The following MDGA2 variants were observed in gnomAD, a reference collection of about 807,000 sequenced individuals.
MDGA2 encodes MAM domain containing glycosylphosphatidylinositol anchor 2, also known as MAM domain-containing glycosylphosphatidylinositol anchor protein 2.
MDGA2 carries 40 observed loss-of-function variants against 117.8 expected under a neutral mutation model. The observed-to-expected ratio is 0.34, with a 90% CI of 0.26 to 0.44. The LOEUF is 0.44. Ranked by LOEUF, MDGA2 falls within the 20% of genes least tolerant of loss-of-function variation. The pLI is 1.00. For missense variants in MDGA2, 1,123 were observed against 1,250.6 expected (o/e 0.90, Z 1.54); for synonymous variants, 452 against 439.0 (o/e 1.03, Z -0.37).
At chr14:46,931,044 G>A (rs929923093) in intron 9 of MDGA2, among the ~76,000 whole-genome samples, 2 of 151,636 alleles carry the variant, frequency 1.3e-5, no homozygotes, top group Non-Finnish European at 2.9e-5. Context: ...GTGAAACATC[G>A]TCTCTACTAA....
chr14:47,048,513 A>C (rs1889343799), intron 7 of MDGA2, among the ~76,000 whole-genome samples: 1 of 152,112 alleles, frequency 6.6e-6, no homozygotes, highest in Non-Finnish European at 1.5e-5. Flanking sequence ...TGACATTGTT[A>C]GCTCTCTTAT....
intron 3 of MDGA2, among the ~76,000 whole-genome samples, chr14:47,200,030 G>T (rs1040973715): frequency 1.3e-5 from 2 of 151,770 alleles, no homozygotes; most frequent in African/African-American, 2.4e-5. Context: ...GAGAAAATTA[G>T]GAGACTGAAA....
chr14:47,102,364 GAAAC>G (rs1880376783), intron 5 of MDGA2, among the ~76,000 whole-genome samples: 1 of 43,748 alleles, frequency 2.3e-5, no homozygotes, highest in Non-Finnish European at 4.0e-5. Flanking sequence ...TGAGGAAGGA[GAAAC>G]ACACACACAC....
At chr14:47,647,218 T>G (rs1897551335) in intron 1 of MDGA2, among the ~76,000 whole-genome samples, 1 of 152,174 alleles carries the variant, frequency 6.6e-6, no homozygotes, top group South Asian at 2.1e-4. Flanking sequence ...TTAGGTCTGC[T>G]CAAACATTTT....
chr14:47,223,763 G>T (rs1285495728), intron 2 of MDGA2, among the ~76,000 whole-genome samples: 2 of 152,142 alleles, frequency 1.3e-5, no homozygotes, highest in African/African-American at 4.8e-5. Context: ...AAATACCCAA[G>T]ACTAGGTAAT....
chr14:47,322,848 C>T (rs1009491380), intron 1 of MDGA2, among the ~76,000 whole-genome samples: 1 of 151,890 alleles, frequency 6.6e-6, no homozygotes, highest in Non-Finnish European at 1.5e-5. Flanking sequence ...ATTTTATCAG[C>T]ATTGGATTGC....
intron 1 of MDGA2, among the ~76,000 whole-genome samples, chr14:47,602,670 T>C (rs2138882647): frequency 6.6e-6 from 1 of 152,266 alleles, no homozygotes; most frequent in Admixed American, 6.5e-5. Flanking sequence ...TTGTTAGACT[T>C]TTTCCTTGAG....
chr14:47,587,386 G>GA (rs1479326814), intron 1 of MDGA2, among the ~76,000 whole-genome samples: 5 of 151,584 alleles, frequency 3.3e-5, no homozygotes, highest in Admixed American at 6.6e-5. Context: ...TGTTAAAATT[G>GA]AAAAAATATA....
chr14:47,254,149 T>C (rs1887541354), intron 2 of MDGA2, among the ~76,000 whole-genome samples: 1 of 152,206 alleles, frequency 6.6e-6, no homozygotes, highest in South Asian at 2.1e-4. Flanking sequence ...GAGGCTGCCA[T>C]GAAGGTCTCT....
rs1186421912 is a variant in MDGA2 at position 47,312,688 on chromosome 14, G to GTTTTTTTTTTTTT, written c.281-11139_281-11138insAAAAAAAAAAAAA. ...CCAGCTAGTTTTTAGTTTTTTTTTT[G>GTTTTTTTTTTTTT]TTTTGTTTTGTTTTTTTTTTTTGTA... On this transcript the variant is annotated intron_variant, in intron 1 of 16. Coordinates refer to ENST00000399232, the MANE Select transcript of MDGA2 (RefSeq NM_001113498.3). 1.3e-4 allele frequency among the ~76,000 whole-genome samples: 14 copies of GTTTTTTTTTTTTT among 104,284 alleles called. 1 individual carries two copies. The highest frequency in any genetic ancestry group is 1.1e-3 in the East Asian group (3 of 2,728). 68.4% of individuals were successfully genotyped at this position (104,284 alleles called of 152,430 possible). A position where few individuals can be genotyped will look rare whatever the true frequency, so the allele number is the denominator to read the frequency against.
chr14:47,553,868 T>C (rs1314118456), intron 1 of MDGA2, among the ~76,000 whole-genome samples: 1 of 152,208 alleles, frequency 6.6e-6, no homozygotes, highest in Non-Finnish European at 1.5e-5. Flanking sequence ...AGATAATATC[T>C]AACTACCTAT....
chr14:46,877,033 A>G lies in MDGA2; in HGVS notation c.2437+456T>C, dbSNP rs558402263. Among the ~76,000 whole-genome samples, 7 of 151,772 alleles carry G rather than the reference A, an allele frequency of 4.6e-5. No individual in the cohort carries two copies. In the South Asian group the frequency reaches 1.5e-3, roughly 31 times the overall value. ...ACCTAAATTAGACCAAATACATTGG[A>G]GTGTAAACTAGTGTTCTATAAAAGA... On this transcript the variant is annotated intron_variant, in intron 12 of 16. Transcript: ENST00000399232.
At chr14:47,563,578 G>GTTTTTTTTTTTTTTTTTTTTTTTTTTTTT (rs56244321) in intron 1 of MDGA2, among the ~76,000 whole-genome samples, 2 of 56,974 alleles carry the variant, frequency 3.5e-5, no homozygotes, top group Non-Finnish European at 6.5e-5. Context: ...GCTTTTTTCT[G>GTTTTTTTTTTTTTTTTTTTTTTTTTTTTT]TTTTTTTTTT....
chr14:47,426,476 C>T (rs750058358), intron 1 of MDGA2, among the ~76,000 whole-genome samples: 1 of 151,374 alleles, frequency 6.6e-6, no homozygotes, highest in African/African-American at 2.4e-5. Flanking sequence ...TATAACTGTT[C>T]GTTTAACAAA....
At chr14:47,021,879 G>C (rs1888298182) in intron 8 of MDGA2, among the ~76,000 whole-genome samples, 1 of 152,084 alleles carries the variant, frequency 6.6e-6, no homozygotes, top group Non-Finnish European at 1.5e-5. Flanking sequence ...CATATTTATA[G>C]TTCCTTATCA....
At chr14:47,362,551 G>A (rs2138373703) in intron 1 of MDGA2, among the ~76,000 whole-genome samples, 1 of 152,096 alleles carries the variant, frequency 6.6e-6, no homozygotes, top group Middle Eastern at 3.4e-3. Flanking sequence ...TTTCTTTTGT[G>A]CCTTATATAT....
At position 47,301,049 on chromosome 14, in the gene MDGA2, G is replaced by T. The variant is rs564772291; in HGVS notation, c.420+362C>A. Among the ~76,000 whole-genome samples the T allele has an allele frequency of 1.6e-4, 25 of 152,188 alleles. No homozygotes were observed. The South Asian group carries it at 5.2e-3, about 32-fold the overall frequency. On this transcript the variant is annotated intron_variant, in intron 2 of 16. Transcript: ENST00000399232. ...TGCAATTATGTCATCATGAAATCATGTTCCACGTTTTAAAATAAACTCATT... is the reference window on the plus strand; with the variant it reads ...TGCAATTATGTCATCATGAAATCATTTTCCACGTTTTAAAATAAACTCATT...
intron 1 of MDGA2, among the ~76,000 whole-genome samples, chr14:47,500,461 A>G (rs1308110289): frequency 2.0e-5 from 3 of 152,096 alleles, no homozygotes; most frequent in African/African-American, 7.2e-5. Flanking sequence ...ATTTCATTAA[A>G]ATTCAAAATT....
intron 2 of MDGA2, among the ~76,000 whole-genome samples, chr14:47,300,778 C>T (rs575682834): frequency 1.3e-5 from 2 of 151,902 alleles, no homozygotes; most frequent in Non-Finnish European, 2.9e-5. Flanking sequence ...AGGTTGTAAG[C>T]GTGAGCCACC....
Sources: gnomAD v4.1 joint callset for allele counts (sites outside exome capture counted in the v4.1 genomes callset) on GRCh38, gnomAD v4.1.1 for gene constraint, MANE v1.5 for transcripts, NCBI Gene and HGNC (gene_info 2026-07-23, HGNC 2026-07-21) for gene names.